The following CYFIP1 variants were observed in gnomAD, a reference collection of about 807,000 sequenced individuals.
The protein encoded by CYFIP1 is cytoplasmic FMR1-interacting protein 1.
Under a neutral mutation model 163.5 loss-of-function variants are expected in CYFIP1, and 58 were observed. The observed-to-expected ratio is 0.35, with a 90% CI of 0.29 to 0.44. The LOEUF (loss-of-function observed/expected upper bound fraction) is 0.44. Ranked by LOEUF, CYFIP1 falls within the 20% of genes least tolerant of loss-of-function variation. The pLI, the probability that CYFIP1 is intolerant of heterozygous loss-of-function variation, is 1.00. For synonymous variants in CYFIP1, 663 were observed against 660.7 expected (o/e 1.00, Z -0.05); for missense variants, 1,338 against 1,653.8 (o/e 0.81, Z 3.31).
intron 1 of CYFIP1, among the ~76,000 whole-genome samples, chr15:22,954,006 A>C (rs1373544761): frequency 6.6e-6 from 1 of 152,216 alleles, no homozygotes; most frequent in Non-Finnish European, 1.5e-5. Context: ...CAGTGAGCCA[A>C]GATCGCGCCA....
chr15:22,942,386 A>G (rs1329520883), intron 6 of CYFIP1, among the ~76,000 whole-genome samples: 1 of 152,224 alleles, frequency 6.6e-6, no homozygotes, highest in Non-Finnish European at 1.5e-5. Flanking sequence ...CATGTCTTCA[A>G]AAGCACTGAG....
At chr15:22,890,925 G>A (rs1053713505) in intron 23 of CYFIP1, among the ~76,000 whole-genome samples, 12 of 152,278 alleles carry the variant, frequency 7.9e-5, no homozygotes, top group Non-Finnish European at 1.5e-4. Flanking sequence ...AGGCATTGGC[G>A]ACCCTGGCCC....
At chr15:22,939,044 G>A in intron 8 of CYFIP1, 148 bp downstream of exon 8, 3 of 914,788 alleles carry the variant, frequency 3.3e-6, no homozygotes, top group Non-Finnish European at 5.0e-6. Context: ...TGTTGTGCAG[G>A]CTGTGTGCAA....
chr15:22,879,142 A>C (rs1374830914), intron 26 of CYFIP1, among the ~76,000 whole-genome samples: 3 of 152,114 alleles, frequency 2.0e-5, no homozygotes, highest in Non-Finnish European at 4.4e-5. Flanking sequence ...TCTCAAAAAA[A>C]AAAAAAAAGA....
At chr15:22,934,198 T>TG (rs2061633574) in intron 9 of CYFIP1, among the ~76,000 whole-genome samples, 1 of 133,942 alleles carries the variant, frequency 7.5e-6, no homozygotes, top group Admixed American at 7.4e-5. Context: ...TTTTTTTTTT[T>TG]TTTTTTGAGA....
chr15:22,925,773 C>T (rs113013638), intron 13 of CYFIP1, among the ~76,000 whole-genome samples: 21 of 152,240 alleles, frequency 1.4e-4, no homozygotes, highest in African/African-American at 4.3e-4. Context: ...AGTCCAGATT[C>T]GCACCCAGGG....
chr15:22,952,353 C>T (rs909122495), intron 1 of CYFIP1, among the ~76,000 whole-genome samples: 3 of 151,996 alleles, frequency 2.0e-5, no homozygotes, highest in Admixed American at 2.0e-4. Context: ...CTGAGCTGTA[C>T]ACTTAAAATG....
At chr15:22,978,493 A>C (rs1350317726) in intron 1 of CYFIP1, among the ~76,000 whole-genome samples, 1 of 152,078 alleles carries the variant, frequency 6.6e-6, no homozygotes, top group African/African-American at 2.4e-5. Context: ...TCATTAAGTG[A>C]AAAATGTATG....
Position 22,874,526 on chromosome 15 carries a change from C to T in CYFIP1, c.3210+24G>A, listed in dbSNP as rs201807847. 171 of 1,542,486 alleles carry T rather than the reference C, an allele frequency of 1.1e-4. No individual in the cohort carries two copies. In the East Asian group the frequency reaches 3.8e-3, roughly 34 times the overall value. Reference sequence around the variant, plus strand: ...GCATGGATGCCCAGCTTGCAACAGCCACAGCCATCACGGTACACGTTACCT... The same window carrying T: ...GCATGGATGCCCAGCTTGCAACAGCTACAGCCATCACGGTACACGTTACCT... On this transcript the variant is annotated intron_variant, in intron 28 of 30. Transcript: ENST00000617928.
At chr15:22,935,421 A>T (rs930445058) in intron 9 of CYFIP1, among the ~76,000 whole-genome samples, 1 of 152,226 alleles carries the variant, frequency 6.6e-6, no homozygotes, top group Admixed American at 6.5e-5. Context: ...CGCAGAAGTC[A>T]GTTCCAGGGG....
At chr15:22,932,909 A>G (rs2061584129) in intron 10 of CYFIP1, among the ~76,000 whole-genome samples, 1 of 152,000 alleles carries the variant, frequency 6.6e-6, no homozygotes, top group African/African-American at 2.4e-5. Flanking sequence ...GGTTCACTGC[A>G]ACCTCCACCT....
chr15:22,916,577 G>C lies in CYFIP1; in HGVS notation c.1728C>G (p.Ser576=). Residue 576 remains serine, a synonymous_variant, in exon 16 of 31, where the codon TCC becomes TCG. Transcript: ENST00000617928. ...LESLIADKSG[S]KKTLRSSLEG... ...CAAGGCTACTTCTCAAGGTTTTCTT[G>C]GAACCACTTTTGTCTGCAATGAGGG... is the stretch of plus-strand genomic sequence containing the variant. 6.2e-7 allele frequency: 1 copy of C among 1,614,050 alleles called. No individual in the cohort carries two copies. Among genetic ancestry groups the C allele is most frequent in the Non-Finnish European group, 8.5e-7 (1 of 1,180,010 alleles).
At chr15:22,946,937 G>A in intron 3 of CYFIP1, 66 bp downstream of exon 3, 3 of 1,367,398 alleles carry the variant, frequency 2.2e-6, no homozygotes, top group Non-Finnish European at 3.1e-6. Flanking sequence ...ATACCAAAAA[G>A]TATACATCTG....
intron 14 of CYFIP1, 47 bp downstream of exon 14, chr15:22,918,645 C>T: frequency 6.7e-7 from 1 of 1,481,996 alleles, no homozygotes; most frequent in Non-Finnish European, 9.0e-7. Context: ...CCAAGTTCAT[C>T]CGAGGACGTG....
intron 22 of CYFIP1, among the ~76,000 whole-genome samples, chr15:22,898,863 C>G (rs1424672864): frequency 6.6e-6 from 1 of 151,866 alleles, no homozygotes; most frequent in East Asian, 1.9e-4. Context: ...ATTAGCCGGG[C>G]GTGGTGGCGG....
intron 1 of CYFIP1, among the ~76,000 whole-genome samples, chr15:22,954,423 A>C (rs1255133024): frequency 6.6e-6 from 1 of 152,210 alleles, no homozygotes; most frequent in African/African-American, 2.4e-5. Context: ...GTAAGAACCC[A>C]CACGAGCTGG....
chr15:22,909,416 C>T (rs1171413522), intron 20 of CYFIP1, 103 bp from the exon 21 acceptor site: 46 of 1,473,062 alleles, frequency 3.1e-5, no homozygotes, highest in Non-Finnish European at 3.7e-5. Flanking sequence ...CTGTCAATAA[C>T]GACACCCTTT....
At chr15:22,957,063 G>A (rs538587473) in intron 1 of CYFIP1, among the ~76,000 whole-genome samples, 2 of 152,244 alleles carry the variant, frequency 1.3e-5, no homozygotes, top group African/African-American at 4.8e-5. Context: ...AGAAGCGAAG[G>A]CGTCGGTGCC....
At chr15:22,924,716 G>GGA (rs397719886) in intron 13 of CYFIP1, among the ~76,000 whole-genome samples, 1 of 151,566 alleles carries the variant, frequency 6.6e-6, no homozygotes, top group Non-Finnish European at 1.5e-5. Flanking sequence ...ATGGTTATGT[G>GGA]AAAAAAAAGC....
Sources: gnomAD v4.1 joint callset for allele counts (sites outside exome capture counted in the v4.1 genomes callset) on GRCh38, gnomAD v4.1.1 for gene constraint, MANE v1.5 for transcripts, NCBI Gene and HGNC (gene_info 2026-07-23, HGNC 2026-07-21) for gene names.